The following RNF187 variants were observed in gnomAD, a reference collection of about 807,000 sequenced individuals.
The protein encoded by RNF187 is E3 ubiquitin-protein ligase RNF187.
A neutral mutation model predicts 22.2 loss-of-function variants in RNF187; 18 were observed. That is an observed-to-expected ratio of 0.81 (90% CI 0.56 to 1.20). The LOEUF (loss-of-function observed/expected upper bound fraction) is 1.20. RNF187 is among the 50% of genes most tolerant of loss of function. The pLI is 0.00. For synonymous variants in RNF187, 164 were observed against 140.9 expected, an observed-to-expected ratio of 1.16 and a Z score of -1.16; for missense variants, 329 against 317.6, an observed-to-expected ratio of 1.04 and a Z score of -0.27.
chr1:228,489,659 A>G, intron 2 of RNF187, among the ~76,000 whole-genome samples: 1 of 152,176 alleles, frequency 6.6e-6, no homozygotes. Flanking sequence ...AGAGGCTAGA[A>G]GTCCAAGATG....
In RNF187 at chr1:228,487,449, A is replaced by C. The variant is rs1658858923; in HGVS notation, c.-40A>C. On this transcript the variant is annotated 5_prime_UTR_variant, in exon 1 of 4. Transcript: ENST00000305943. ...GCCGTCTAGGTCTCCGGCCCTCCCC[A>C]GCCGCTCCTGCGCCCTTGCCGGCCC... is the stretch of plus-strand genomic sequence containing the variant. 9.2e-7 allele frequency: 1 copy of C among 1,092,736 alleles called. No individual in the cohort carries two copies. The highest frequency in any genetic ancestry group is 1.1e-6 in the Non-Finnish European group (1 of 901,602). The allele number at this position is 1,092,736 out of a possible 1,614,324, so 67.7% of individuals were successfully genotyped here. A position where few individuals can be genotyped will look rare whatever the true frequency, so the allele number is the denominator to read the frequency against.
At chr1:228,488,821 C>G in intron 1 of RNF187, 139 bp from the exon 2 acceptor site, 1 of 667,612 alleles carries the variant, frequency 1.5e-6, no homozygotes. Context: ...GCGTTCCTGC[C>G]CTAGACAACC....
intron 2 of RNF187, among the ~76,000 whole-genome samples, chr1:228,492,746 C>T: frequency 6.6e-6 from 1 of 151,086 alleles, no homozygotes; most frequent in Non-Finnish European, 1.5e-5. Context: ...CCTGCCTCAG[C>T]CTCCCGATTA....
chr1:228,494,545 C>T lies in RNF187; in HGVS notation c.*660C>T. The T allele has an allele frequency of 2.8e-5, 28 of 985,910 alleles. No individual in the cohort carries two copies. The highest frequency in any genetic ancestry group is 2.5e-5 in the Non-Finnish European group (21 of 830,404). The allele number at this position is 985,910 out of a possible 1,614,324, so 61.1% of individuals were successfully genotyped here. A position where few individuals can be genotyped will look rare whatever the true frequency, so the allele number is the denominator to read the frequency against. ...CCTCCCTGTGCTCCACCTGCCTCCG[C>T]AGAAGGAAGCCTCTTTCTCTGTTTC... On this transcript the variant is annotated 3_prime_UTR_variant, in exon 4 of 4. Transcript: ENST00000305943.
Position 228,494,449 on chromosome 1 carries a change from A to T in RNF187, c.*564A>T. 1.0e-6 allele frequency: 1 copy of T among 991,002 alleles called. No individual in the cohort carries two copies. Among genetic ancestry groups the T allele is most frequent in the African/African-American group, 1.7e-5 (1 of 57,372 alleles). 61.4% of individuals were successfully genotyped at this position (991,002 alleles called of 1,614,324 possible). On this transcript the variant is annotated 3_prime_UTR_variant, in exon 4 of 4. Coordinates refer to ENST00000305943, the MANE Select transcript of RNF187 (RefSeq NM_001010858.3). ...CTTGAGGTGGGCGTGGGCCCGGCCC[A>T]GCCTTATCCAAGTCGCTCTGTCCAC...
chr1:228,494,595 G>T lies in RNF187; in HGVS notation c.*710G>T. On this transcript the variant is annotated 3_prime_UTR_variant, in exon 4 of 4. Coordinates refer to ENST00000305943, the MANE Select transcript of RNF187 (RefSeq NM_001010858.3). ...CCCTGGGTGAGGGGGCTGGCAGGTG[G>T]CTAACCCCATTTAGCATCTCCAGGC... 1.0e-6 allele frequency: 1 copy of T among 985,776 alleles called. No homozygotes were observed. The highest frequency in any genetic ancestry group is 1.2e-6 in the Non-Finnish European group (1 of 830,252). 61.1% of individuals were successfully genotyped at this position (985,776 alleles called of 1,614,324 possible).
chr1:228,488,812 C>A, intron 1 of RNF187, 148 bp from the exon 2 acceptor site: 1 of 632,142 alleles, frequency 1.6e-6, no homozygotes, highest in Non-Finnish European at 2.8e-6. Flanking sequence ...ACTGCCTGTG[C>A]GTTCCTGCCC....
chr1:228,491,910 G>A, intron 2 of RNF187, among the ~76,000 whole-genome samples: 2 of 152,320 alleles, frequency 1.3e-5, no homozygotes, highest in Admixed American at 6.5e-5. Flanking sequence ...TTTTCACAAG[G>A]TCTGTACCAA....
At position 228,494,488 on chromosome 1, in the gene RNF187, G is replaced by T; in HGVS notation, c.*603G>T. 5 of 986,434 alleles carry T rather than the reference G, an allele frequency of 5.1e-6. No individual in the cohort carries two copies. Among genetic ancestry groups the T allele is most frequent in the Non-Finnish European group, 6.0e-6 (5 of 830,708 alleles). 61.1% of individuals were successfully genotyped at this position (986,434 alleles called of 1,614,324 possible). ...CGCTCTGTCCACCTCCCCCTTCCTG[G>T]CCCCCACCCCACTCCTGTGCCTCCC... On this transcript the variant is annotated 3_prime_UTR_variant, in exon 4 of 4. Transcript: ENST00000305943.
intron 2 of RNF187, among the ~76,000 whole-genome samples, chr1:228,490,031 A>G: frequency 2.0e-5 from 3 of 152,278 alleles, no homozygotes; most frequent in East Asian, 1.9e-4. Flanking sequence ...TTTAAACTCT[A>G]TTTGGTGACT....
Position 228,494,582 on chromosome 1 carries a change from G to GGGCTGGCAGGT in RNF187, c.*702_*712dup. On this transcript the variant is annotated 3_prime_UTR_variant, in exon 4 of 4. Transcript: ENST00000305943. ...TCTTTCTCTGTTTCCCTGGGTGAGGGGGCTGGCAGGTGGCTAACCCCATTT... is the reference window on the plus strand; with the variant it reads ...TCTTTCTCTGTTTCCCTGGGTGAGGGGGCTGGCAGGTGGCTGGCAGGTGGCTAACCCCATTT... 240 of 985,704 alleles carry GGGCTGGCAGGT rather than the reference G, an allele frequency of 2.4e-4. 1 individual carries two copies. The highest frequency in any genetic ancestry group is 2.8e-4 in the Non-Finnish European group (232 of 830,286). 61.1% of individuals were successfully genotyped at this position (985,704 alleles called of 1,614,324 possible). A position where few individuals can be genotyped will look rare whatever the true frequency, so the allele number is the denominator to read the frequency against.
At chr1:228,492,234 TAG>T in intron 2 of RNF187, among the ~76,000 whole-genome samples, 1 of 151,684 alleles carries the variant, frequency 6.6e-6, no homozygotes, top group African/African-American at 2.4e-5. Context: ...TGATTTTTAG[TAG>T]AGACAGGTTT....
Position 228,495,601 on chromosome 1 carries a change from G to A in RNF187, c.*1716G>A. The A allele has an allele frequency of 0.01, 10,073 of 985,452 alleles. 68 individuals are homozygous for A. Among genetic ancestry groups the A allele is most frequent in the Non-Finnish European group, 0.011 (9,438 of 829,944 alleles). 61.0% of individuals were successfully genotyped at this position (985,452 alleles called of 1,614,324 possible). ...CCCTGCACACCTGTGATGCTTGCCCGGACAGGTCCTGATGGCAGAGTCTCC... is the reference window on the plus strand; with the variant it reads ...CCCTGCACACCTGTGATGCTTGCCCAGACAGGTCCTGATGGCAGAGTCTCC... On this transcript the variant is annotated 3_prime_UTR_variant, in exon 4 of 4. Coordinates refer to ENST00000305943, the MANE Select transcript of RNF187 (RefSeq NM_001010858.3).
chr1:228,487,770 G>T lies in RNF187; in HGVS notation c.282G>T (p.Gln94His). The change falls in exon 1 of 4, where the codon CAG (glutamine) becomes CAT (histidine). Residue 94 changes from glutamine to histidine, a missense_variant. Gln to His is a conservative substitution (Grantham distance 24). Transcript: ENST00000305943. Reference sequence around the variant, plus strand: ...GCCCGGCCAGCGAGGCCGCGCTGCAGCTGCTGTGCCGCGCCGACGCCGGCC... The same window carrying T: ...GCCCGGCCAGCGAGGCCGCGCTGCATCTGCTGTGCCGCGCCGACGCCGGCC... The T allele has an allele frequency of 9.4e-7, 1 of 1,067,436 alleles. No individual in the cohort carries two copies. The highest frequency in any genetic ancestry group is 1.1e-6 in the Non-Finnish European group (1 of 884,040). 66.1% of individuals were successfully genotyped at this position (1,067,436 alleles called of 1,614,324 possible).
intron 2 of RNF187, among the ~76,000 whole-genome samples, chr1:228,489,403 C>A: frequency 6.6e-6 from 1 of 152,034 alleles, no homozygotes; most frequent in African/African-American, 2.4e-5. Context: ...TCGAACTGGC[C>A]TCAGGCGATC....
chr1:228,493,002 C>T lies in RNF187; in HGVS notation c.484-51C>T. 1 of 1,492,306 alleles carries T rather than the reference C, an allele frequency of 6.7e-7. No homozygotes were observed. The highest frequency in any genetic ancestry group is 9.0e-7 in the Non-Finnish European group (1 of 1,114,496). 92.4% of individuals were successfully genotyped at this position (1,492,306 alleles called of 1,614,324 possible). On this transcript the variant is annotated intron_variant, in intron 2 of 3. Transcript: ENST00000305943. The surrounding 1 kb of genome is among the most constrained non-coding windows in gnomAD (Gnocchi z 4.7). ...TCAAGAGCAAACAGGTTCCCCTTCC[C>T]CTGGGGAGGGTGGGTGAGGACACAG...
chr1:228,493,394 C>A lies in RNF187; in HGVS notation c.705+120C>A. ...AAAAGCCCAGCCTGACTCCCACTGC[C>A]GTGGCCTTGCAGGGCTGAATTTCGG... On this transcript the variant is annotated intron_variant, in intron 3 of 3. Coordinates refer to ENST00000305943, the MANE Select transcript of RNF187 (RefSeq NM_001010858.3). This position sits in a 1 kb window ranked among gnomAD's most constrained non-coding sequence, Gnocchi z 4.7. 1 of 1,451,544 alleles carries A rather than the reference C, an allele frequency of 6.9e-7. No individual in the cohort carries two copies. 89.9% of individuals were successfully genotyped at this position (1,451,544 alleles called of 1,614,324 possible). A position where few individuals can be genotyped will look rare whatever the true frequency, so the allele number is the denominator to read the frequency against.
Position 228,493,870 on chromosome 1 carries a change from C to G in RNF187, c.706-13C>G. 6.4e-7 allele frequency: 1 copy of G among 1,551,624 alleles called. No homozygotes were observed. The highest frequency in any genetic ancestry group is 8.7e-7 in the Non-Finnish European group (1 of 1,146,874). Reference sequence around the variant, plus strand: ...TTTTGTCTCTCTGTCTTTCCCTCTCCCCTCCCATGCAGTGATGGCGCCAAC... The same window carrying G: ...TTTTGTCTCTCTGTCTTTCCCTCTCGCCTCCCATGCAGTGATGGCGCCAAC... On this transcript the variant is annotated splice_polypyrimidine_tract_variant and intron_variant, in intron 3 of 3. Coordinates refer to ENST00000305943, the MANE Select transcript of RNF187 (RefSeq NM_001010858.3). This position sits in a 1 kb window ranked among gnomAD's most constrained non-coding sequence, Gnocchi z 4.7.
chr1:228,487,406 G>A lies in RNF187; in HGVS notation c.-83G>A. 9.4e-7 allele frequency: 1 copy of A among 1,066,772 alleles called. No individual in the cohort carries two copies. Among genetic ancestry groups the A allele is most frequent in the South Asian group, 4.6e-5 (1 of 21,932 alleles). 66.1% of individuals were successfully genotyped at this position (1,066,772 alleles called of 1,614,324 possible). On this transcript the variant is annotated 5_prime_UTR_variant, in exon 1 of 4. Coordinates refer to ENST00000305943, the MANE Select transcript of RNF187 (RefSeq NM_001010858.3). ...CGTTGGCGTCTTCGTCCTGTTGCTG[G>A]TCTCCGTCCGGTCGCCGGCCGTCTA...
Sources: allele counts gnomAD v4.1 joint callset (sites outside exome capture counted in the v4.1 genomes callset), GRCh38; gene constraint gnomAD v4.1.1; non-coding constraint Gnocchi (gnomAD v3.1); transcripts MANE v1.5; gene names NCBI Gene and HGNC (gene_info 2026-07-23, HGNC 2026-07-21).